Variants in CAPN14 observed in about 807,000 individuals in gnomAD.
CAPN14 encodes the protein calpain 14.
Under a neutral mutation model 101.3 loss-of-function variants are expected in CAPN14, and 94 were observed. That is an observed-to-expected ratio of 0.93 (90% CI 0.79 to 1.10). The LOEUF (loss-of-function observed/expected upper bound fraction) is 1.10. Among genes scored for constraint, CAPN14 ranks in the 50% least tolerant of loss-of-function variants. The pLI is 0.00. For missense variants in CAPN14, 837 were observed against 828.4 expected (o/e 1.01, Z -0.13); for synonymous variants, 338 against 317.9 (o/e 1.06, Z -0.67).
chr2:31,223,853 T>A (rs1181468681), intron 2 of CAPN14, among the ~76,000 whole-genome samples: 1 of 152,164 alleles, frequency 6.6e-6, no homozygotes, highest in Non-Finnish European at 1.5e-5. Context: ...TCTGGGAGAA[T>A]AATGACATTT....
intron 2 of CAPN14, among the ~76,000 whole-genome samples, chr2:31,223,521 GTTTCTT>G (rs369242480): frequency 5.4e-5 from 8 of 148,704 alleles, no homozygotes; most frequent in African/African-American, 1.5e-4. Flanking sequence ...CTAAGCTTCT[GTTTCTT>G]TTTCTTTTTC....
chr2:31,211,671 G>GCGCACA (rs1553397698), intron 1 of CAPN14, among the ~76,000 whole-genome samples: 5 of 149,458 alleles, frequency 3.3e-5, no homozygotes, highest in South Asian at 2.1e-4. Flanking sequence ...GTGTGCATGT[G>GCGCACA]CACACACACA....
chr2:31,188,496 C>T, intron 13 of CAPN14, 142 bp from the exon 14 acceptor site: 1 of 708,012 alleles, frequency 1.4e-6, no homozygotes, highest in East Asian at 2.7e-5. Flanking sequence ...CACCTCACCT[C>T]CTGCTTCCCC....
At chr2:31,232,308 A>G (rs1239501952) in intron 1 of CAPN14, among the ~76,000 whole-genome samples, 1 of 152,006 alleles carries the variant, frequency 6.6e-6, no homozygotes, top group Non-Finnish European at 1.5e-5. Context: ...TCTTTTTTTT[A>G]TCACATACCA....
chr2:31,183,067 C>G (rs548230801), intron 16 of CAPN14, among the ~76,000 whole-genome samples: 5 of 152,150 alleles, frequency 3.3e-5, no homozygotes, highest in African/African-American at 4.8e-5. Context: ...ACAAACCTGA[C>G]AAAAACAAAC....
intron 1 of CAPN14, among the ~76,000 whole-genome samples, chr2:31,215,786 T>C (rs563930264): frequency 2.0e-5 from 3 of 149,412 alleles, no homozygotes; most frequent in East Asian, 2.0e-4. Context: ...GATCAAAGTA[T>C]GCAGTTAAAA....
rs1380330412 is a variant in CAPN14 at position 31,203,137 on chromosome 2, C to A, written c.228G>T (p.Glu76Asp). ...AATAAAACTGGGGATTGCTGTGCAG[C>A]TCCTGGGAAAGACAAACAGAATTGT... is the stretch of plus-strand genomic sequence containing the variant. ...PPRLQWKRPP[E>D]LHSNPQFYFA... is the part of the protein sequence containing the mutation. The change falls in exon 3 of 22, where the codon GAG becomes GAT. Residue 76 changes from glutamate to aspartate, a missense_variant and splice_region_variant. Physicochemically the swap from Glu to Asp is conservative, Grantham distance 45 (BLOSUM62 2). Transcript: ENST00000403897. 8 of 1,551,492 alleles carry A rather than the reference C, an allele frequency of 5.2e-6. No individual in the cohort carries two copies. In the South Asian group the frequency reaches 8.3e-5, roughly 16 times the overall value.
intron 5 of CAPN14, among the ~76,000 whole-genome samples, chr2:31,201,175 ATGTATGTGCATGTGTGTGTGCATGTG>A (rs1681752319): frequency 7.2e-6 from 1 of 139,066 alleles, no homozygotes; most frequent in South Asian, 2.4e-4. Flanking sequence ...GTGTGCGTGC[ATGTATGTGCATGTGTGTGTGCATGTG>A]TGTGTGTGCA....
Position 31,200,628 on chromosome 2 carries a change from G to C in CAPN14, c.552-3C>G. On this transcript the variant is annotated splice_polypyrimidine_tract_variant and splice_region_variant and intron_variant, in intron 5 of 21. Coordinates refer to ENST00000403897, the MANE Select transcript of CAPN14 (RefSeq NM_001145122.2). ...AGTCTTCATAGGAACCAGAGAGCCT[G>C]GCCAGGGAAGAAATAAACATGAGAG... 1 of 1,537,954 alleles carries C rather than the reference G, an allele frequency of 6.5e-7. No homozygotes were observed.
intron 1 of CAPN14, among the ~76,000 whole-genome samples, chr2:31,214,369 T>C (rs1351163153): frequency 6.6e-6 from 1 of 152,210 alleles, no homozygotes; most frequent in Non-Finnish European, 1.5e-5. Flanking sequence ...TGATTTAGGT[T>C]GAGGGAGCCT....
intron 10 of CAPN14, among the ~76,000 whole-genome samples, chr2:31,192,690 G>C (rs1373214685): frequency 1.3e-5 from 2 of 152,096 alleles, no homozygotes; most frequent in Non-Finnish European, 2.9e-5. Flanking sequence ...GGAAGCCCTG[G>C]GTTTGTGTTT....
intron 1 of CAPN14, among the ~76,000 whole-genome samples, chr2:31,206,953 G>A (rs911700554): frequency 2.6e-5 from 4 of 152,094 alleles, no homozygotes; most frequent in Non-Finnish European, 1.5e-5. Flanking sequence ...TTACAGTTTA[G>A]AGGGTGGGAG....
chr2:31,174,996 A>T (rs1250602766), intron 21 of CAPN14, among the ~76,000 whole-genome samples: 1 of 152,160 alleles, frequency 6.6e-6, no homozygotes, highest in Admixed American at 6.5e-5. Flanking sequence ...AGCTCTGTGC[A>T]GGTGTGCAAA....
intron 16 of CAPN14, among the ~76,000 whole-genome samples, chr2:31,181,386 T>TTCTCTTTCTTTC (rs1171284901): frequency 0.02 from 2,657 of 131,210 alleles, 54 homozygotes; most frequent in East Asian, 0.03. Context: ...TCTTTTCTTT[T>TTCTCTTTCTTTC]TTTCTTTCTT....
intron 1 of CAPN14, among the ~76,000 whole-genome samples, chr2:31,217,183 G>A (rs184544598): frequency 1.6e-4 from 25 of 152,232 alleles, no homozygotes; most frequent in Admixed American, 1.6e-3. Flanking sequence ...AAATTACCCA[G>A]GCCCAAAGAT....
At chr2:31,229,702 AAAAGAAAAAG>A (rs1364893705) in intron 1 of CAPN14, among the ~76,000 whole-genome samples, 19 of 151,110 alleles carry the variant, frequency 1.3e-4, no homozygotes, top group African/African-American at 4.4e-4. Flanking sequence ...AAAAAAAAGG[AAAAGAAAAAG>A]AAAGAAAACA....
At chr2:31,189,049 T>C (rs1681047811) in intron 13 of CAPN14, among the ~76,000 whole-genome samples, 1 of 152,216 alleles carries the variant, frequency 6.6e-6, no homozygotes, top group East Asian at 1.9e-4. Flanking sequence ...GTTTTATCTT[T>C]TTCTCTCTAA....
intron 21 of CAPN14, among the ~76,000 whole-genome samples, chr2:31,175,691 AG>A (rs1680255969): frequency 6.6e-6 from 1 of 152,226 alleles, no homozygotes; most frequent in African/African-American, 2.4e-5. Context: ...GGAGGGATTG[AG>A]GGGTGACACA....
intron 1 of CAPN14, among the ~76,000 whole-genome samples, chr2:31,208,583 A>G (rs139907221): frequency 9.1e-4 from 138 of 152,352 alleles, no homozygotes; most frequent in African/African-American, 3.2e-3. Flanking sequence ...GTGCACACAC[A>G]TACACACACA....
Sources: allele counts gnomAD v4.1 joint callset (sites outside exome capture counted in the v4.1 genomes callset), GRCh38; gene constraint gnomAD v4.1.1; transcripts MANE v1.5; gene names NCBI Gene and HGNC (gene_info 2026-07-23, HGNC 2026-07-21).